Variants in SERPIND1 observed in about 807,000 individuals in gnomAD.
SERPIND1 encodes the protein serpin family D member 1, also known as heparin cofactor 2.
SERPIND1 carries 34 observed loss-of-function variants against 35.0 expected under a neutral mutation model. That is an observed-to-expected ratio of 0.97 (90% CI 0.74 to 1.29). The LOEUF (loss-of-function observed/expected upper bound fraction) is 1.29, where lower values mean the gene tolerates loss of function less well. Ranked by LOEUF, SERPIND1 falls within the 50% of genes most tolerant of loss-of-function variation. The pLI is 0.00. For missense variants in SERPIND1, 633 were observed against 637.7 expected, an observed-to-expected ratio of 0.99 and a Z score of 0.08; for synonymous variants, 236 against 241.1, an observed-to-expected ratio of 0.98 and a Z score of 0.19.
At position 20,780,056 on chromosome 22, in the gene SERPIND1, C is replaced by A; in HGVS notation, c.744C>A (p.Ala248=). The change falls in exon 2 of 5, where the codon GCC becomes GCA. Residue 248 remains alanine, a synonymous_variant. Transcript: ENST00000215727. ...TKVREYYFAE[A]QIADFSDPAF... ...TAAGAGAGTATTACTTTGCTGAGGCCCAGATAGCTGACTTCTCAGACCCTG... is the reference window on the plus strand; with the variant it reads ...TAAGAGAGTATTACTTTGCTGAGGCACAGATAGCTGACTTCTCAGACCCTG... The A allele has an allele frequency of 6.2e-7, 1 of 1,614,064 alleles. No individual in the cohort carries two copies. Among genetic ancestry groups the A allele is most frequent in the Non-Finnish European group, 8.5e-7 (1 of 1,180,020 alleles).
intron 3 of SERPIND1, among the ~76,000 whole-genome samples, chr22:20,784,461 C>T (rs1054538639): frequency 1.3e-5 from 2 of 152,134 alleles, no homozygotes; most frequent in African/African-American, 2.4e-5. Context: ...CCTCTAGGGG[C>T]CAGTTTCAGA....
Position 20,779,544 on chromosome 22 carries a change from G to A in SERPIND1, c.232G>A (p.Asp78Asn), listed in dbSNP as rs567081979. ...DWIPEGEEDD[D>N]YLDLEKIFSE... ...GATTCCAGAGGGGGAGGAGGACGAC[G>A]ACTATCTGGACCTGGAGAAGATATT... Residue 78 changes from aspartate to asparagine, a missense_variant, in exon 2 of 5, where the codon GAC becomes AAC. Transcript: ENST00000215727. 23 of 1,614,036 alleles carry A rather than the reference G, an allele frequency of 1.4e-5. No individual in the cohort carries two copies. In the South Asian group the frequency reaches 1.8e-4, roughly 12 times the overall value.
chr22:20,778,555 C>T (rs73162808), intron 1 of SERPIND1, among the ~76,000 whole-genome samples: 22 of 152,132 alleles, frequency 1.4e-4, no homozygotes, highest in Non-Finnish European at 2.9e-4. Flanking sequence ...AAAAAAACAA[C>T]GAATTAAACA....
intron 1 of SERPIND1, among the ~76,000 whole-genome samples, chr22:20,775,557 C>T (rs1216172132): frequency 6.6e-6 from 1 of 152,182 alleles, no homozygotes; most frequent in Non-Finnish European, 1.5e-5. Flanking sequence ...GATACGTTTT[C>T]CTGAATGCTT....
At chr22:20,786,284 TG>T in intron 4 of SERPIND1, 136 bp downstream of exon 4, 1 of 977,898 alleles carries the variant, frequency 1.0e-6, no homozygotes, top group East Asian at 2.5e-5. Flanking sequence ...TCGGCCTGGG[TG>T]GGATACACAG....
Position 20,779,494 on chromosome 22 carries a change from A to T in SERPIND1, c.182A>T (p.Lys61Met), listed in dbSNP as rs551688559. 1.5e-5 allele frequency: 25 copies of T among 1,614,166 alleles called. No individual in the cohort carries two copies. The Admixed American group carries it at 1.7e-4, about 11-fold the overall frequency. Residue 61 changes from lysine to methionine, a missense_variant, in exon 2 of 5, where the codon AAG becomes ATG. By Grantham distance (95) the Lys-to-Met change is moderately conservative (BLOSUM62 -1). Coordinates refer to ENST00000215727, the MANE Select transcript of SERPIND1 (RefSeq NM_000185.4). ...CCTCTTCTCCCTGCCGACTTCCACAAGGAAAACACCGTCACCAACGACTGG... is the reference window on the plus strand; with the variant it reads ...CCTCTTCTCCCTGCCGACTTCCACATGGAAAACACCGTCACCAACGACTGG... ...SMPLLPADFHKENTVTNDWIP... is the reference protein window; with the variant it reads ...SMPLLPADFHMENTVTNDWIP...
intron 2 of SERPIND1, among the ~76,000 whole-genome samples, chr22:20,781,937 G>A (rs1315401009): frequency 6.6e-6 from 1 of 152,200 alleles, no homozygotes; most frequent in Non-Finnish European, 1.5e-5. Context: ...ATAAGCGATG[G>A]CAATGCAACA....
intron 2 of SERPIND1, 104 bp downstream of exon 2, chr22:20,780,305 G>C: frequency 6.5e-7 from 1 of 1,547,414 alleles, no homozygotes. Flanking sequence ...AATTTATCCA[G>C]GAAAACTAGA....
Position 20,779,868 on chromosome 22 carries a change from T to A in SERPIND1, c.556T>A (p.Phe186Ile). ...GCACTCGATTTTGCATTTTAAAGAC[T>A]TTGTTAATGCCAGCAGCAAGTATGA... The part of the protein sequence containing the change: ...QVHSILHFKD[F>I]VNASSKYEIT... The change falls in exon 2 of 5, where the codon TTT becomes ATT. Residue 186 changes from phenylalanine (F) to isoleucine (I), a missense_variant. Coordinates refer to ENST00000215727, the MANE Select transcript of SERPIND1 (RefSeq NM_000185.4). 1.9e-6 allele frequency: 3 copies of A among 1,614,248 alleles called. No individual in the cohort carries two copies. The highest frequency in any genetic ancestry group is 2.5e-6 in the Non-Finnish European group (3 of 1,180,040).
intron 2 of SERPIND1, 81 bp downstream of exon 2, chr22:20,780,282 G>A: frequency 6.3e-7 from 1 of 1,588,946 alleles, no homozygotes; most frequent in Non-Finnish European, 8.6e-7. Context: ...GCCAAGAACT[G>A]TACTGTAGCT....
intron 2 of SERPIND1, 132 bp downstream of exon 2, chr22:20,780,333 A>T (rs970415558): frequency 7.0e-7 from 1 of 1,418,912 alleles, no homozygotes; most frequent in Non-Finnish European, 9.8e-7. Flanking sequence ...TTGACTCTGG[A>T]ACGGGGACAG....
Position 20,786,865 on chromosome 22 carries a change from T to G in SERPIND1, c.1309-10T>G. ...ACCTCCAGAATCTGACAACTTTCCT[T>G]TCCAAACAGTTCAAGCACCAAGGCA... On this transcript the variant is annotated splice_polypyrimidine_tract_variant and intron_variant, in intron 4 of 4. Transcript: ENST00000215727. The G allele has an allele frequency of 6.2e-7, 1 of 1,614,116 alleles. No individual in the cohort carries two copies. The highest frequency in any genetic ancestry group is 8.5e-7 in the Non-Finnish European group (1 of 1,179,988).
At chr22:20,775,199 A>C (rs1933172724) in intron 1 of SERPIND1, among the ~76,000 whole-genome samples, 1 of 152,176 alleles carries the variant, frequency 6.6e-6, no homozygotes, top group Non-Finnish European at 1.5e-5. Context: ...CCCAGGAAAA[A>C]AAAAAAGCAA....
chr22:20,784,321 T>C, intron 3 of SERPIND1, 76 bp downstream of exon 3: 6 of 1,589,680 alleles, frequency 3.8e-6, no homozygotes, highest in Non-Finnish European at 5.2e-6. Flanking sequence ...AAATGGATCA[T>C]TTTTTTAAAA....
chr22:20,775,916 C>T (rs550423266), intron 1 of SERPIND1, among the ~76,000 whole-genome samples: 12 of 151,988 alleles, frequency 7.9e-5, no homozygotes, highest in African/African-American at 2.6e-4. Context: ...AAGTGTGTTG[C>T]TATTGATACA....
Position 20,783,544 on chromosome 22 carries a change from G to A in SERPIND1, c.890-428G>A, listed in dbSNP as rs185765434. ...AGGCAGGAGGATTCCTTGAGCCTGGGAGTGTGAGGCTGCAGTGAGCTATGA... is the reference window on the plus strand; with the variant it reads ...AGGCAGGAGGATTCCTTGAGCCTGGAAGTGTGAGGCTGCAGTGAGCTATGA... On this transcript the variant is annotated intron_variant, in intron 2 of 4. Coordinates refer to ENST00000215727, the MANE Select transcript of SERPIND1 (RefSeq NM_000185.4). Among the ~76,000 whole-genome samples the A allele has an allele frequency of 3.5e-3, 535 of 152,244 alleles. 2 individuals carry two copies. The highest frequency in any genetic ancestry group is 6.8e-3 in the Middle Eastern group (2 of 294).
intron 1 of SERPIND1, among the ~76,000 whole-genome samples, chr22:20,774,841 A>G (rs1219282202): frequency 1.3e-5 from 2 of 152,144 alleles, no homozygotes; most frequent in Admixed American, 1.3e-4. Flanking sequence ...GGTCTAGAAG[A>G]AAAAATGTGT....
chr22:20,777,349 T>C (rs551617488), intron 1 of SERPIND1, among the ~76,000 whole-genome samples: 1 of 152,158 alleles, frequency 6.6e-6, no homozygotes, highest in East Asian at 1.9e-4. Context: ...CCTAAGTATC[T>C]GGGATTACAG....
At chr22:20,783,923 T>C in intron 2 of SERPIND1, 49 bp from the exon 3 acceptor site, 1 of 1,613,490 alleles carries the variant, frequency 6.2e-7, no homozygotes, top group South Asian at 1.1e-5. Context: ...GTGAGACGAT[T>C]TCCCTAAAGG....
Sources: allele counts gnomAD v4.1 joint callset (sites outside exome capture counted in the v4.1 genomes callset), GRCh38; gene constraint gnomAD v4.1.1; transcripts MANE v1.5; gene names NCBI Gene and HGNC (gene_info 2026-07-23, HGNC 2026-07-21).